KIAA1217: variants seen among roughly 807,000 people sequenced by gnomAD.
KIAA1217 encodes sickle tail protein homolog.
Under a neutral mutation model 163.9 loss-of-function variants are expected in KIAA1217, and 88 were observed. That is an observed-to-expected ratio of 0.54 (90% CI 0.45 to 0.64). KIAA1217 has a LOEUF of 0.64. KIAA1217 is among the 30% of genes least tolerant of loss of function. KIAA1217 has a pLI of 0.00. For synonymous variants in KIAA1217, 903 were observed against 923.1 expected (o/e 0.98, Z 0.39); for missense variants, 2,372 against 2,475.0 (o/e 0.96, Z 0.88).
intron 1 of KIAA1217, among the ~76,000 whole-genome samples, chr10:23,982,529 T>TTCTCTCTCTCTC (rs59075123): frequency 0.013 from 959 of 73,608 alleles, 127 homozygotes; most frequent in Middle Eastern, 0.016. Flanking sequence ...TGTTTTTTGT[T>TTCTCTCTCTCTC]TCTCTCTCTC....
Position 24,520,173 on chromosome 10 carries a change from G to A in KIAA1217, c.2228G>A (p.Ser743Asn). ...EDLKKDSTAA[S>N]RLVTLKDVED... ...TTGAAGAAGGACTCCACGGCAGCCA[G>A]CCGATTGGTTACTCTGAAAGACGTG... The change falls in exon 11 of 21, where the codon AGC (serine) becomes AAC (asparagine). Residue 743 changes from serine (S) to asparagine (N), a missense_variant. By Grantham distance (46) the Ser-to-Asn change is conservative. Around this residue, in one of 3 missense-constraint regions of KIAA1217, gnomAD observed 1,431 missense variants for 1,470.3 expected, o/e 0.97. Coordinates refer to ENST00000376454, the MANE Select transcript of KIAA1217 (RefSeq NM_019590.5). 1 of 1,614,110 alleles carries A rather than the reference G, an allele frequency of 6.2e-7. No individual in the cohort carries two copies. The highest frequency in any genetic ancestry group is 1.6e-4 in the Middle Eastern group (1 of 6,062).
intron 1 of KIAA1217, among the ~76,000 whole-genome samples, chr10:23,736,197 G>A (rs7909219): frequency 0.2 from 31,079 of 152,138 alleles, 3,342 homozygotes; most frequent in Middle Eastern, 0.26. Flanking sequence ...GTCTGAGACT[G>A]TAATGACATT....
chr10:23,699,232 C>A (rs1836254963), intron 1 of KIAA1217, among the ~76,000 whole-genome samples: 1 of 152,222 alleles, frequency 6.6e-6, no homozygotes, highest in African/African-American at 2.4e-5. Context: ...TGGTCCTAGG[C>A]AGAGCTGTGA....
intron 1 of KIAA1217, among the ~76,000 whole-genome samples, chr10:23,727,983 T>G (rs1450395172): frequency 6.6e-6 from 1 of 152,190 alleles, no homozygotes; most frequent in African/African-American, 2.4e-5. Context: ...GAACTCATCC[T>G]TTTTTATGGC....
intron 3 of KIAA1217, among the ~76,000 whole-genome samples, chr10:24,396,982 G>A (rs778213466): frequency 1.6e-4 from 24 of 152,124 alleles, no homozygotes; most frequent in Non-Finnish European, 2.8e-4. Context: ...CAGGAAGATG[G>A]GAGTGTTAGC....
At chr10:24,489,860 C>CGAAAAA (rs2065888738) in intron 6 of KIAA1217, among the ~76,000 whole-genome samples, 1 of 64,924 alleles carries the variant, frequency 1.5e-5, no homozygotes, top group East Asian at 5.6e-4. Flanking sequence ...GAGAACCTGT[C>CGAAAAA]AAAAAAAAAA....
chr10:24,303,496 T>C (rs539720659), intron 2 of KIAA1217, among the ~76,000 whole-genome samples: 61 of 152,218 alleles, frequency 4.0e-4, no homozygotes, highest in Middle Eastern at 6.8e-3. Context: ...ACAGAGTTGA[T>C]GGGATTTACT....
At chr10:24,004,735 TC>T (rs1179549673) in intron 1 of KIAA1217, among the ~76,000 whole-genome samples, 1 of 152,260 alleles carries the variant, frequency 6.6e-6, no homozygotes, top group African/African-American at 2.4e-5. Context: ...GGTGCTCTTT[TC>T]TTCTTCTCTC....
At chr10:24,203,184 C>CA (rs5783879) in intron 2 of KIAA1217, among the ~76,000 whole-genome samples, 174 of 132,238 alleles carry the variant, frequency 1.3e-3, no homozygotes, top group Middle Eastern at 3.9e-3. Flanking sequence ...AAAAACTTGT[C>CA]AAAAAAAAAA....
intron 15 of KIAA1217, among the ~76,000 whole-genome samples, chr10:24,532,845 G>T (rs1021274372): frequency 2.0e-5 from 3 of 152,108 alleles, no homozygotes; most frequent in Non-Finnish European, 4.4e-5. Flanking sequence ...GAATGTTGAG[G>T]AGTTCCAATT....
intron 1 of KIAA1217, among the ~76,000 whole-genome samples, chr10:23,917,723 C>T (rs1275543290): frequency 2.0e-5 from 3 of 152,268 alleles, no homozygotes; most frequent in East Asian, 3.9e-4. Flanking sequence ...AGACAGCTGT[C>T]GCTGACAAAT....
At chr10:24,423,092 TAGAGATGGG>T (rs748241776) in intron 3 of KIAA1217, among the ~76,000 whole-genome samples, 2 of 151,620 alleles carry the variant, frequency 1.3e-5, no homozygotes, top group South Asian at 2.1e-4. Flanking sequence ...GTATTTTTAG[TAGAGATGGG>T]AGAGATGGGG....
intron 1 of KIAA1217, among the ~76,000 whole-genome samples, chr10:23,996,446 C>G (rs1846487162): frequency 6.6e-6 from 1 of 152,140 alleles, no homozygotes; most frequent in African/African-American, 2.4e-5. Flanking sequence ...CTTCCCTAGA[C>G]AGCAAACACA....
rs539687133 is a variant in KIAA1217 at position 24,175,998 on chromosome 10, G to A, written c.-170-43628G>A. On this transcript the variant is annotated intron_variant, in intron 2 of 18. Transcript: ENST00000376462. ...ACAAATCTTCCACACTGTGGAAGGG[G>A]ACCCAAGCAGGTTGCTGCTGCTGGC... 4.6e-5 allele frequency among the ~76,000 whole-genome samples: 7 copies of A among 152,254 alleles called. No homozygotes were observed. The South Asian group carries it at 1.5e-3, about 32-fold the overall frequency.
Position 24,112,169 on chromosome 10 carries a change from T to C in KIAA1217, c.-171+104795T>C, listed in dbSNP as rs981768506. On this transcript the variant is annotated intron_variant, in intron 2 of 18. Transcript: ENST00000376462. Reference sequence around the variant, plus strand: ...TTAAGATTTTCTGCCAACAAAAGCATTGGAAGAAAGTAAAACGTCACTACA... The same window carrying C: ...TTAAGATTTTCTGCCAACAAAAGCACTGGAAGAAAGTAAAACGTCACTACA... Among the ~76,000 whole-genome samples the C allele has an allele frequency of 3.3e-5, 5 of 152,304 alleles. No homozygotes were observed. In the East Asian group the frequency reaches 5.8e-4, roughly 18 times the overall value.
At chr10:24,218,574 C>T (rs565707644) in intron 1 of KIAA1217, among the ~76,000 whole-genome samples, 9 of 151,972 alleles carry the variant, frequency 5.9e-5, no homozygotes, top group African/African-American at 1.9e-4. Context: ...CTGCAAGCTC[C>T]GCCTCCCAGG....
chr10:24,351,091 G>A (rs1303771077), intron 2 of KIAA1217, among the ~76,000 whole-genome samples: 2 of 152,008 alleles, frequency 1.3e-5, no homozygotes, highest in African/African-American at 4.8e-5. Flanking sequence ...GGAATTACAG[G>A]CATGCGACCA....
At chr10:23,737,661 A>T (rs11013685) in intron 1 of KIAA1217, among the ~76,000 whole-genome samples, 24,307 of 152,142 alleles carry the variant, frequency 0.16, 2,199 homozygotes, top group Middle Eastern at 0.25. Context: ...TACACATATT[A>T]AAAAAGATGA....
At chr10:24,186,997 T>C (rs1347582201) in intron 2 of KIAA1217, among the ~76,000 whole-genome samples, 1 of 152,242 alleles carries the variant, frequency 6.6e-6, no homozygotes, top group Non-Finnish European at 1.5e-5. Flanking sequence ...ACTCAGGCTA[T>C]GTTTTTCGGC....
Sources: gnomAD v4.1 joint callset for allele counts (sites outside exome capture counted in the v4.1 genomes callset) on GRCh38, gnomAD v4.1.1 for gene constraint, gnomAD v4.1.1 regional missense constraint, MANE v1.5 for transcripts, NCBI Gene and HGNC (gene_info 2026-07-23, HGNC 2026-07-21) for gene names.